GABPB2: variants seen among roughly 807,000 people sequenced by gnomAD.
GABPB2 encodes the protein GA binding protein transcription factor subunit beta 2.
GABPB2 carries 23 observed loss-of-function variants against 39.1 expected under a neutral mutation model. That is an observed-to-expected ratio of 0.59 (90% CI 0.42 to 0.83). The LOEUF (loss-of-function observed/expected upper bound fraction) is 0.83, where lower values mean the gene tolerates loss of function less well. Ranked by LOEUF, GABPB2 falls within the 40% of genes least tolerant of loss-of-function variation. The pLI is 0.00. For synonymous variants in GABPB2, 184 were observed against 199.3 expected, an observed-to-expected ratio of 0.92 and a Z score of 0.65; for missense variants, 467 against 541.1, an observed-to-expected ratio of 0.86 and a Z score of 1.36.
At position 151,123,143 on chromosome 1, in the gene GABPB2, GATT is replaced by G. The variant is rs907448696; in HGVS notation, c.*4892_*4894del. The G allele has an allele frequency of 1.3e-5, 2 of 152,210 alleles. No individual in the cohort carries two copies. The highest frequency in any genetic ancestry group is 4.8e-5 in the African/African-American group (2 of 41,456). 9.4% of individuals were successfully genotyped at this position (152,210 alleles called of 1,614,324 possible). A position where few individuals can be genotyped will look rare whatever the true frequency, so the allele number is the denominator to read the frequency against. ...TTCCAACTGTTTATTGGCAAGGTTGGATTATTAAGAATCAAATAGCAGACAAAA... is the reference window on the plus strand; with the variant it reads ...TTCCAACTGTTTATTGGCAAGGTTGGATTAAGAATCAAATAGCAGACAAAA... On this transcript the variant is annotated 3_prime_UTR_variant, in exon 9 of 9. Coordinates refer to ENST00000368918, the MANE Select transcript of GABPB2 (RefSeq NM_144618.3).
At chr1:151,070,988 G>C (rs1359868800) in intron 1 of GABPB2, 54 bp downstream of exon 1, 1 of 151,244 alleles carries the variant, frequency 6.6e-6, no homozygotes, top group African/African-American at 2.4e-5. Context: ...GGCTGGAAAG[G>C]AAAGTGCCGT....
rs115339363 is a variant in GABPB2, at chr1:151,120,833, C to G, written c.*2577C>G. The G allele has an allele frequency of 6.6e-6, 1 of 150,418 alleles. No individual in the cohort carries two copies. The highest frequency in any genetic ancestry group is 1.5e-5 in the Non-Finnish European group (1 of 67,748). 9.3% of individuals were successfully genotyped at this position (150,418 alleles called of 1,614,324 possible). A position where few individuals can be genotyped will look rare whatever the true frequency, so the allele number is the denominator to read the frequency against. On this transcript the variant is annotated 3_prime_UTR_variant, in exon 9 of 9. Transcript: ENST00000368918. ...GTGCAATGGTGTGATCTCAACTCACCGCAACTTCCACCTCCCGGTTTCAAG... is the reference window on the plus strand; with the variant it reads ...GTGCAATGGTGTGATCTCAACTCACGGCAACTTCCACCTCCCGGTTTCAAG...
Position 151,083,504 on chromosome 1 carries a change from C to T in GABPB2, c.1-4686C>T, listed in dbSNP as rs1046500570. ...GAAAAATTAGCTGGACGTGGTGGCA[C>T]ATGCCTGTAATCCGAGCTACTCGGA... On this transcript the variant is annotated intron_variant, in intron 1 of 8. Coordinates refer to ENST00000368918, the MANE Select transcript of GABPB2 (RefSeq NM_144618.3). Among the ~76,000 whole-genome samples, 3 of 152,084 alleles carry T rather than the reference C, an allele frequency of 2.0e-5. 1 individual carries two copies. Among genetic ancestry groups the T allele is most frequent in the Admixed American group, 1.3e-4 (2 of 15,254 alleles).
rs764920505 is a variant in GABPB2, at chr1:151,121,444, C to CTT, written c.*3198_*3199dup. The stretch of plus-strand genomic sequence containing the variant: ...ACTGCTGGGTTTTCTTTTTCTTTTT[C>CTT]TTTTTTTTTTTGAGACGGAGTTTCA... On this transcript the variant is annotated 3_prime_UTR_variant, in exon 9 of 9. Transcript: ENST00000368918. The CTT allele has an allele frequency of 6.8e-5, 10 of 148,094 alleles. No homozygotes were observed. Among genetic ancestry groups the CTT allele is most frequent in the South Asian group, 2.2e-4 (1 of 4,646 alleles). 9.2% of individuals were successfully genotyped at this position (148,094 alleles called of 1,614,324 possible). A position where few individuals can be genotyped will look rare whatever the true frequency, so the allele number is the denominator to read the frequency against.
At chr1:151,100,610 A>G (rs1321891245) in intron 5 of GABPB2, among the ~76,000 whole-genome samples, 2 of 60,082 alleles carry the variant, frequency 3.3e-5, no homozygotes, top group East Asian at 1.1e-3. Flanking sequence ...TTTTTTTGAG[A>G]CAGAGTTTAA....
At chr1:151,097,826 T>C in intron 4 of GABPB2, 26 bp from the exon 5 acceptor site, 2 of 1,599,492 alleles carry the variant, frequency 1.3e-6, no homozygotes, top group Non-Finnish European at 8.5e-7. Context: ...AGTGTTCTGA[T>C]TGAAATATCC....
chr1:151,111,932 C>T (rs887851276), intron 7 of GABPB2: 1 of 149,648 alleles, frequency 6.7e-6, no homozygotes, highest in Non-Finnish European at 1.5e-5. Context: ...TTAATGAAAC[C>T]TATATCCTGT....
chr1:151,109,580 C>T (rs981134296), intron 7 of GABPB2, among the ~76,000 whole-genome samples: 2 of 151,128 alleles, frequency 1.3e-5, no homozygotes, highest in African/African-American at 4.9e-5. Context: ...AGCCTGGTCT[C>T]GAACTCCTGA....
rs1403923605 is a variant in GABPB2 at position 151,120,061 on chromosome 1, T to C, written c.*1805T>C. 6.6e-6 allele frequency: 1 copy of C among 151,448 alleles called. No individual in the cohort carries two copies. Among genetic ancestry groups the C allele is most frequent in the Non-Finnish European group, 1.5e-5 (1 of 67,900 alleles). 9.4% of individuals were successfully genotyped at this position (151,448 alleles called of 1,614,324 possible). ...CCCTGTCTCTACTAAAAATACAAAA[T>C]TAGGGCCAGACCCGGCAGCTCATGC... On this transcript the variant is annotated 3_prime_UTR_variant, in exon 9 of 9. Coordinates refer to ENST00000368918, the MANE Select transcript of GABPB2 (RefSeq NM_144618.3).
chr1:151,103,769 A>G (rs1235946241), intron 6 of GABPB2, 94 bp downstream of exon 6: 14 of 801,140 alleles, frequency 1.7e-5, no homozygotes, highest in Non-Finnish European at 2.8e-5. Context: ...TTATTAAAGA[A>G]TTGCATTTAA....
intron 1 of GABPB2, among the ~76,000 whole-genome samples, chr1:151,072,849 A>G (rs1418487119): frequency 6.6e-6 from 1 of 151,716 alleles, no homozygotes; most frequent in African/African-American, 2.4e-5. Context: ...CTCCATCACA[A>G]ACAAACAAAC....
chr1:151,097,057 A>G (rs1361227131), intron 4 of GABPB2, among the ~76,000 whole-genome samples: 1 of 151,908 alleles, frequency 6.6e-6, no homozygotes, highest in Non-Finnish European at 1.5e-5. Context: ...GATTACAAGC[A>G]CCTGCCACCA....
At chr1:151,100,297 A>T (rs1679413561) in intron 5 of GABPB2, among the ~76,000 whole-genome samples, 1 of 152,000 alleles carries the variant, frequency 6.6e-6, no homozygotes, top group Non-Finnish European at 1.5e-5. Flanking sequence ...GGCGCCTGCC[A>T]CCATGCCTGG....
intron 1 of GABPB2, among the ~76,000 whole-genome samples, chr1:151,077,606 C>T (rs1384263890): frequency 4.6e-5 from 7 of 151,722 alleles, no homozygotes; most frequent in East Asian, 1.9e-4. Flanking sequence ...CCGCCGCGCC[C>T]GGCCACTCAT....
intron 7 of GABPB2, chr1:151,112,247 A>AT (rs1680507463): frequency 2.0e-5 from 3 of 148,166 alleles, no homozygotes; most frequent in Non-Finnish European, 4.4e-5. Context: ...AAAAAAAAAA[A>AT]CCTATATCCT....
chr1:151,078,369 G>A (rs750459989), intron 1 of GABPB2, among the ~76,000 whole-genome samples: 17 of 152,212 alleles, frequency 1.1e-4, no homozygotes, highest in East Asian at 5.8e-4. Context: ...CAAGGCGGGC[G>A]GATCACGAGT....
At chr1:151,095,035 A>G (rs1304317200) in intron 4 of GABPB2, among the ~76,000 whole-genome samples, 1 of 151,616 alleles carries the variant, frequency 6.6e-6, no homozygotes, top group Non-Finnish European at 1.5e-5. Flanking sequence ...TTAATAGGAC[A>G]TGAAGTGTTG....
At chr1:151,109,286 G>A (rs1374267682) in intron 7 of GABPB2, among the ~76,000 whole-genome samples, 2 of 145,386 alleles carry the variant, frequency 1.4e-5, no homozygotes, top group Admixed American at 6.9e-5. Flanking sequence ...TGGCTTAAAT[G>A]ATTGTGGGGA....
chr1:151,105,008 ACAATT>A (rs1260149558), intron 6 of GABPB2, among the ~76,000 whole-genome samples: 5 of 151,732 alleles, frequency 3.3e-5, no homozygotes, highest in Non-Finnish European at 5.9e-5. Flanking sequence ...GGGTTCAAGC[ACAATT>A]CTCCTGCCTC....
Sources: allele counts gnomAD v4.1 joint callset (sites outside exome capture counted in the v4.1 genomes callset), GRCh38; gene constraint gnomAD v4.1.1; transcripts MANE v1.5; gene names NCBI Gene and HGNC (gene_info 2026-07-23, HGNC 2026-07-21).